Variants in CACNA2D1 observed in about 807,000 individuals in gnomAD.
CACNA2D1 encodes the protein voltage-dependent calcium channel subunit alpha-2/delta-1.
CACNA2D1 carries 53 observed loss-of-function variants against 171.5 expected under a neutral mutation model. That is an observed-to-expected ratio of 0.31 (90% confidence interval 0.25 to 0.39). The LOEUF (loss-of-function observed/expected upper bound fraction) is 0.39. Among genes scored for constraint, CACNA2D1 ranks in the 10% least tolerant of loss-of-function variants. The pLI, the probability that CACNA2D1 is intolerant of heterozygous loss-of-function variation, is 1.00. For synonymous variants in CACNA2D1, 442 were observed against 443.1 expected, an observed-to-expected ratio of 1.00 and a Z score of 0.03; for missense variants, 903 against 1,299.8, an observed-to-expected ratio of 0.69 and a Z score of 4.69.
intron 3 of CACNA2D1, among the ~76,000 whole-genome samples, chr7:82,266,003 C>G (rs927518607): frequency 5.3e-5 from 8 of 152,128 alleles, no homozygotes; most frequent in African/African-American, 1.9e-4. Context: ...GCTCATTAAA[C>G]TGTCTATTTG....
chr7:82,136,680 CA>C lies in CACNA2D1; in HGVS notation c.355-5del, dbSNP rs142849270. On this transcript the variant is annotated splice_region_variant and splice_polypyrimidine_tract_variant and intron_variant, in intron 4 of 38. Coordinates refer to ENST00000356860, the MANE Select transcript of CACNA2D1 (RefSeq NM_000722.4). ...TGTAGTAGACAACTTCATTGCTCTACAAAAAAAAAAGAACGCTTTATTGATT... is the reference window on the plus strand; with the variant it reads ...TGTAGTAGACAACTTCATTGCTCTACAAAAAAAAAGAACGCTTTATTGATT... 5,787 of 1,292,524 alleles carry C rather than the reference CA, an allele frequency of 4.5e-3. 1 individual carries two copies. The highest frequency in any genetic ancestry group is 6.1e-3 in the South Asian group (411 of 67,358). The allele number at this position is 1,292,524 out of a possible 1,614,324, so 80.1% of individuals were successfully genotyped here.
At chr7:82,121,063 G>A (rs1397614567) in intron 5 of CACNA2D1, among the ~76,000 whole-genome samples, 1 of 150,732 alleles carries the variant, frequency 6.6e-6, no homozygotes, top group Non-Finnish European at 1.5e-5. Context: ...TTGTTTGTTT[G>A]TTTGTTTTGT....
chr7:82,400,580 T>C (rs986367315), intron 1 of CACNA2D1, among the ~76,000 whole-genome samples: 5 of 151,942 alleles, frequency 3.3e-5, no homozygotes, highest in Admixed American at 6.6e-5. Flanking sequence ...ACTTAAACGT[T>C]AGACCTAAAA....
At chr7:82,146,432 ATTTAT>A (rs1357392306) in intron 4 of CACNA2D1, among the ~76,000 whole-genome samples, 4 of 129,432 alleles carry the variant, frequency 3.1e-5, no homozygotes, top group African/African-American at 1.1e-4. Flanking sequence ...ACATATACAT[ATTTAT>A]ATTTATATAT....
At chr7:82,194,092 A>G (rs1261386079) in intron 3 of CACNA2D1, among the ~76,000 whole-genome samples, 2 of 152,042 alleles carry the variant, frequency 1.3e-5, no homozygotes, top group Admixed American at 6.6e-5. Context: ...AAGCTAAATG[A>G]CTTTATTAGA....
chr7:82,394,444 C>G (rs1248526443), intron 1 of CACNA2D1, among the ~76,000 whole-genome samples: 1 of 152,074 alleles, frequency 6.6e-6, no homozygotes, highest in Non-Finnish European at 1.5e-5. Flanking sequence ...TAAATGAAAT[C>G]TATCATCATA....
At chr7:82,295,576 G>T (rs561217961) in intron 3 of CACNA2D1, among the ~76,000 whole-genome samples, 2 of 150,798 alleles carry the variant, frequency 1.3e-5, no homozygotes, top group African/African-American at 4.9e-5. Context: ...GGCTAGTCTC[G>T]AACTCCTGAA....
chr7:82,030,359 C>T (rs913118225), intron 12 of CACNA2D1, among the ~76,000 whole-genome samples: 1 of 151,186 alleles, frequency 6.6e-6, no homozygotes, highest in Non-Finnish European at 1.5e-5. Flanking sequence ...TGATATGCCT[C>T]CAAGACACTA....
intron 4 of CACNA2D1, among the ~76,000 whole-genome samples, chr7:82,152,104 A>G (rs1793915841): frequency 6.6e-6 from 1 of 152,038 alleles, no homozygotes; most frequent in South Asian, 2.1e-4. Context: ...ATCAAACTAT[A>G]TATTTACAGA....
chr7:82,186,088 G>A (rs925673124), intron 3 of CACNA2D1, among the ~76,000 whole-genome samples: 1 of 151,596 alleles, frequency 6.6e-6, no homozygotes, highest in Non-Finnish European at 1.5e-5. Flanking sequence ...CCCGGGAGGT[G>A]GAGGCTGCAG....
chr7:82,056,006 A>T (rs1439206142), intron 10 of CACNA2D1, among the ~76,000 whole-genome samples: 2 of 67,528 alleles, frequency 3.0e-5, no homozygotes, highest in Non-Finnish European at 6.3e-5. Context: ...CCTACTCAAA[A>T]GTTAAAAAAA....
chr7:82,251,004 A>C (rs1449638944), intron 3 of CACNA2D1, among the ~76,000 whole-genome samples: 1 of 152,184 alleles, frequency 6.6e-6, no homozygotes, highest in East Asian at 1.9e-4. Context: ...TGAATAAATA[A>C]AGCCAAAAAC....
At chr7:81,954,083 T>C (rs1049284380) in intron 38 of CACNA2D1, among the ~76,000 whole-genome samples, 1 of 152,070 alleles carries the variant, frequency 6.6e-6, no homozygotes, top group African/African-American at 2.4e-5. Context: ...ATGTATTTCA[T>C]AGAATCATTT....
At chr7:82,193,440 T>C (rs1798540923) in intron 3 of CACNA2D1, among the ~76,000 whole-genome samples, 1 of 151,992 alleles carries the variant, frequency 6.6e-6, no homozygotes. Flanking sequence ...GTTTGCCAAA[T>C]CTTTTGAGAT....
intron 10 of CACNA2D1, among the ~76,000 whole-genome samples, chr7:82,053,356 ATTTG>A (rs1345745431): frequency 6.6e-6 from 1 of 152,030 alleles, no homozygotes; most frequent in Non-Finnish European, 1.5e-5. Context: ...TTTGGATTTT[ATTTG>A]TACTGATTTT....
intron 1 of CACNA2D1, among the ~76,000 whole-genome samples, chr7:82,425,081 G>T (rs1829055698): frequency 6.6e-6 from 1 of 152,130 alleles, no homozygotes; most frequent in South Asian, 2.1e-4. Context: ...TGTGGTAAAG[G>T]TAACACGATT....
At chr7:82,100,319 CTTA>C (rs1229927763) in intron 6 of CACNA2D1, among the ~76,000 whole-genome samples, 8 of 151,992 alleles carry the variant, frequency 5.3e-5, no homozygotes, top group African/African-American at 1.9e-4. Flanking sequence ...CTTGAAATGT[CTTA>C]TTATTTCATA....
At chr7:82,393,115 G>GAGGC (rs1825369507) in intron 1 of CACNA2D1, among the ~76,000 whole-genome samples, 1 of 90,460 alleles carries the variant, frequency 1.1e-5, no homozygotes, top group Admixed American at 1.1e-4. Context: ...GGCAGGCAGG[G>GAGGC]AGGGAGGGAG....
intron 4 of CACNA2D1, among the ~76,000 whole-genome samples, chr7:82,152,210 A>G (rs1793929769): frequency 1.3e-5 from 2 of 151,970 alleles, no homozygotes; most frequent in South Asian, 4.1e-4. Flanking sequence ...TATGAAAACC[A>G]CATTTATATT....
Sources: allele counts gnomAD v4.1 joint callset (sites outside exome capture counted in the v4.1 genomes callset), GRCh38; gene constraint gnomAD v4.1.1; transcripts MANE v1.5; gene names NCBI Gene and HGNC (gene_info 2026-07-23, HGNC 2026-07-21).